Variants in DLC1 observed in about 807,000 individuals in gnomAD.
The protein encoded by DLC1 is rho GTPase-activating protein 7.
DLC1 carries 54 observed loss-of-function variants against 140.3 expected under a neutral mutation model. The observed-to-expected ratio is 0.38, with a 90% confidence interval of 0.31 to 0.48. The LOEUF is 0.48. Among genes scored for constraint, DLC1 ranks in the 20% least tolerant of loss-of-function variants. The pLI is 0.96. For synonymous variants in DLC1, 986 were observed against 728.1 expected (o/e 1.35, Z -5.70); for missense variants, 2,536 against 1,907.0 (o/e 1.33, Z -6.14).
intron 4 of DLC1, among the ~76,000 whole-genome samples, chr8:13,384,779 G>A (rs1836439276): frequency 6.6e-6 from 1 of 151,930 alleles, no homozygotes; most frequent in Non-Finnish European, 1.5e-5. Context: ...GTTTCTTATT[G>A]TCTGTCCAGT....
chr8:13,377,628 T>G (rs550578846), intron 4 of DLC1, among the ~76,000 whole-genome samples: 1 of 152,308 alleles, frequency 6.6e-6, no homozygotes, highest in East Asian at 1.9e-4. Flanking sequence ...GTGCATTTAC[T>G]GTGCGATACA....
At chr8:13,168,737 A>C (rs1490469658) in intron 5 of DLC1, among the ~76,000 whole-genome samples, 1 of 152,232 alleles carries the variant, frequency 6.6e-6, no homozygotes, top group African/African-American at 2.4e-5. Flanking sequence ...ATTCAAAGTG[A>C]AGTCCACATC....
intron 2 of DLC1, among the ~76,000 whole-genome samples, chr8:13,464,809 TTTAG>T (rs1224335770): frequency 6.8e-6 from 1 of 146,238 alleles, no homozygotes; most frequent in Non-Finnish European, 1.5e-5. Context: ...TAAATAAGGT[TTTAG>T]TTAGTGCTGT....
intron 1 of DLC1, among the ~76,000 whole-genome samples, chr8:13,533,547 C>A (rs963719757): frequency 6.6e-6 from 1 of 152,112 alleles, no homozygotes; most frequent in African/African-American, 2.4e-5. Flanking sequence ...GAAAAGTAGA[C>A]AATGTTAGCT....
intron 2 of DLC1, among the ~76,000 whole-genome samples, chr8:13,418,311 A>T (rs1041812812): frequency 2.0e-5 from 3 of 152,062 alleles, no homozygotes; most frequent in African/African-American, 4.8e-5. Context: ...CTGAATGGTA[A>T]TGCCTAGGTT....
At chr8:13,257,195 C>T (rs938776787) in intron 5 of DLC1, among the ~76,000 whole-genome samples, 5 of 150,800 alleles carry the variant, frequency 3.3e-5, no homozygotes, top group Admixed American at 6.6e-5. Context: ...ACACAGTTCC[C>T]GGGACTACAT....
At chr8:13,166,177 C>G (rs955100272) in intron 5 of DLC1, among the ~76,000 whole-genome samples, 7 of 152,128 alleles carry the variant, frequency 4.6e-5, no homozygotes, top group African/African-American at 1.7e-4. Context: ...CTGCATGATT[C>G]TCTTCCCCTA....
chr8:13,504,944 T>C (rs866759466), intron 1 of DLC1, among the ~76,000 whole-genome samples: 11 of 152,244 alleles, frequency 7.2e-5, no homozygotes, highest in Middle Eastern at 6.8e-3. Flanking sequence ...GGTCAATCAT[T>C]TCACATAACT....
At position 13,553,513 on chromosome 8, in the gene DLC1, T is replaced by C. The variant is rs544860186; in HGVS notation, c.-126+51024A>G. Among the ~76,000 whole-genome samples the C allele has an allele frequency of 1.7e-4, 26 of 151,996 alleles. No homozygotes were observed. In the East Asian group the frequency reaches 5.1e-3, roughly 30 times the overall value. On this transcript the variant is annotated intron_variant, in intron 1 of 1. Transcript: ENST00000631382. The stretch of plus-strand genomic sequence containing the variant: ...TCCATTTTCTTCCCGGTTTTTAATT[T>C]TTAAATTAAAAATAAACTTGTGGAG...
chr8:13,360,300 G>C (rs1398671818), intron 4 of DLC1, among the ~76,000 whole-genome samples: 1 of 152,178 alleles, frequency 6.6e-6, no homozygotes, highest in African/African-American at 2.4e-5. Flanking sequence ...ATCACATGGA[G>C]AAATTTAATA....
intron 5 of DLC1, among the ~76,000 whole-genome samples, chr8:13,204,418 C>G (rs879361974): frequency 6.6e-6 from 1 of 152,180 alleles, no homozygotes; most frequent in Admixed American, 6.5e-5. Flanking sequence ...TTCCCTTAGA[C>G]TTTAAAGTCC....
chr8:13,592,137 C>T (rs1266290338), intron 1 of DLC1, among the ~76,000 whole-genome samples: 2 of 151,916 alleles, frequency 1.3e-5, no homozygotes, highest in African/African-American at 4.8e-5. Flanking sequence ...GAGCAAGGGG[C>T]CTGAGCAAGT....
chr8:13,153,781 A>G (rs919689821), intron 5 of DLC1, among the ~76,000 whole-genome samples: 2 of 151,646 alleles, frequency 1.3e-5, no homozygotes, highest in East Asian at 3.9e-4. Flanking sequence ...CAGAATGCCG[A>G]TCGGTGCGTT....
At chr8:13,569,242 A>G (rs1338805566) in intron 1 of DLC1, among the ~76,000 whole-genome samples, 10 of 152,218 alleles carry the variant, frequency 6.6e-5, no homozygotes, top group African/African-American at 1.9e-4. Context: ...TACATGTCCA[A>G]CACCTGAATT....
At chr8:13,173,404 G>C (rs1456051508) in intron 5 of DLC1, among the ~76,000 whole-genome samples, 1 of 100,750 alleles carries the variant, frequency 9.9e-6, no homozygotes, top group African/African-American at 3.9e-5. Flanking sequence ...ACGGAGTCTT[G>C]CTCTATCTCC....
At chr8:13,284,009 A>T (rs1359556078) in intron 5 of DLC1, among the ~76,000 whole-genome samples, 1 of 152,158 alleles carries the variant, frequency 6.6e-6, no homozygotes, top group Non-Finnish European at 1.5e-5. Context: ...AACCCTGGAA[A>T]TCAGTGGACT....
At chr8:13,501,877 T>A (rs1801837212) in intron 1 of DLC1, among the ~76,000 whole-genome samples, 1 of 152,172 alleles carries the variant, frequency 6.6e-6, no homozygotes, top group South Asian at 2.1e-4. Flanking sequence ...AACACATAGA[T>A]GCAAGCCAGA....
intron 2 of DLC1, among the ~76,000 whole-genome samples, chr8:13,479,397 A>C (rs1050304949): frequency 6.6e-6 from 1 of 152,210 alleles, no homozygotes; most frequent in African/African-American, 2.4e-5. Context: ...AGTGGAAGTT[A>C]AGAGACATAG....
intron 4 of DLC1, among the ~76,000 whole-genome samples, chr8:13,384,133 C>T (rs933310773): frequency 3.2e-4 from 48 of 152,300 alleles, no homozygotes; most frequent in African/African-American, 1.2e-3. Context: ...TATTATACAA[C>T]AACAGATAAT....
Sources: allele counts gnomAD v4.1 joint callset (sites outside exome capture counted in the v4.1 genomes callset), GRCh38; gene constraint gnomAD v4.1.1; transcripts MANE v1.5; gene names NCBI Gene and HGNC (gene_info 2026-07-23, HGNC 2026-07-21).